Variants in COPS4 observed in about 807,000 individuals in gnomAD.
COPS4 encodes COP9 signalosome subunit 4.
Under a neutral mutation model 55.1 loss-of-function variants are expected in COPS4, and 8 were observed. The observed-to-expected ratio is 0.15, with a 90% confidence interval of 0.09 to 0.26. The LOEUF (loss-of-function observed/expected upper bound fraction) is 0.26. Ranked by LOEUF, COPS4 falls within the 10% of genes least tolerant of loss-of-function variation. The pLI, the probability that COPS4 is intolerant of heterozygous loss-of-function variation, is 1.00. For missense variants in COPS4, 248 were observed against 484.0 expected, an observed-to-expected ratio of 0.51 and a Z score of 4.58; for synonymous variants, 185 against 165.7, an observed-to-expected ratio of 1.12 and a Z score of -0.90.
At chr4:83,042,810 G>GAGT (rs1730601613) in intron 1 of COPS4, among the ~76,000 whole-genome samples, 1 of 151,898 alleles carries the variant, frequency 6.6e-6, no homozygotes, top group South Asian at 2.1e-4. Flanking sequence ...TTACTATGTT[G>GAGT]CTCAGACTGG....
intron 7 of COPS4, among the ~76,000 whole-genome samples, chr4:83,065,752 T>G (rs1731278219): frequency 6.6e-6 from 1 of 152,248 alleles, no homozygotes; most frequent in African/African-American, 2.4e-5. Flanking sequence ...TGCCTTGGTT[T>G]GATGCTCCTG....
intron 1 of COPS4, among the ~76,000 whole-genome samples, chr4:83,040,562 G>T (rs1730536284): frequency 1.3e-5 from 2 of 152,126 alleles, no homozygotes; most frequent in African/African-American, 4.8e-5. Context: ...GCTTCTCAGT[G>T]CTTCCAGCAG....
chr4:83,069,385 T>G (rs1329836017), intron 9 of COPS4, among the ~76,000 whole-genome samples: 2 of 152,228 alleles, frequency 1.3e-5, no homozygotes, highest in Non-Finnish European at 2.9e-5. Context: ...CTTGACCTTA[T>G]TGGAGTTTCT....
chr4:83,047,782 C>T (rs1386936988), intron 2 of COPS4, among the ~76,000 whole-genome samples: 11 of 152,124 alleles, frequency 7.2e-5, no homozygotes, highest in South Asian at 2.1e-4. Flanking sequence ...GGGCGGATCA[C>T]GAGGTCAGGA....
chr4:83,065,069 C>A, intron 7 of COPS4: 1 of 690,266 alleles, frequency 1.4e-6, no homozygotes, highest in South Asian at 1.5e-5. Context: ...GAGACAGGAT[C>A]TCTCCATTTT....
chr4:83,070,438 TTTA>T (rs2126134950), intron 9 of COPS4, among the ~76,000 whole-genome samples: 1 of 152,316 alleles, frequency 6.6e-6, no homozygotes, highest in South Asian at 2.1e-4. Context: ...AAAAACTGAA[TTTA>T]TTATCTTCCC....
chr4:83,068,339 A>C, intron 8 of COPS4, 99 bp from the exon 9 acceptor site: 1 of 753,586 alleles, frequency 1.3e-6, no homozygotes, highest in Non-Finnish European at 2.3e-6. Context: ...TGTAAAGTTT[A>C]GTGATGGTAG....
chr4:83,036,258 A>ACC (rs33940074), intron 1 of COPS4, among the ~76,000 whole-genome samples: 25 of 146,376 alleles, frequency 1.7e-4, no homozygotes, highest in African/African-American at 4.3e-4. Flanking sequence ...ACATAGTGAG[A>ACC]CCCCCCCCCC....
chr4:83,045,131 C>T (rs1279716036), intron 1 of COPS4, among the ~76,000 whole-genome samples: 2 of 152,198 alleles, frequency 1.3e-5, no homozygotes, highest in African/African-American at 4.8e-5. Context: ...GCCTGGTCAA[C>T]ATTATCCTAT....
chr4:83,063,870 C>T (rs1471205907), intron 7 of COPS4, among the ~76,000 whole-genome samples: 3 of 151,790 alleles, frequency 2.0e-5, no homozygotes, highest in South Asian at 2.1e-4. Context: ...CCACCACGCC[C>T]GGCTAATTTT....
intron 1 of COPS4, among the ~76,000 whole-genome samples, chr4:83,043,876 C>G (rs1390870938): frequency 6.6e-6 from 1 of 152,078 alleles, no homozygotes; most frequent in Non-Finnish European, 1.5e-5. Context: ...TTGGAATTTG[C>G]TATCTTTTCT....
intron 5 of COPS4, 24 bp from the exon 6 acceptor site, chr4:83,057,234 A>C: frequency 6.4e-7 from 1 of 1,563,910 alleles, no homozygotes; most frequent in South Asian, 1.2e-5. Context: ...TTGTCCCCTA[A>C]TTGAAATATT....
At chr4:83,072,272 G>T (rs1731454612) in intron 9 of COPS4, among the ~76,000 whole-genome samples, 1 of 151,428 alleles carries the variant, frequency 6.6e-6, no homozygotes, top group Non-Finnish European at 1.5e-5. Context: ...GGCTAATTTT[G>T]TATTTTTAGT....
intron 9 of COPS4, among the ~76,000 whole-genome samples, chr4:83,072,276 T>A (rs562061335): frequency 1.3e-5 from 2 of 152,044 alleles, no homozygotes; most frequent in Admixed American, 1.3e-4. Flanking sequence ...AATTTTGTAT[T>A]TTTAGTAGAG....
At chr4:83,043,518 C>CAAAA (rs34480105) in intron 1 of COPS4, among the ~76,000 whole-genome samples, 1 of 17,664 alleles carries the variant, frequency 5.7e-5, no homozygotes, top group Non-Finnish European at 1.2e-4. Flanking sequence ...GACCCTGTCT[C>CAAAA]AAAAAAAAAA....
intron 4 of COPS4, among the ~76,000 whole-genome samples, chr4:83,050,495 T>G (rs1218986425): frequency 6.6e-6 from 1 of 152,076 alleles, no homozygotes; most frequent in Non-Finnish European, 1.5e-5. Flanking sequence ...TTCACCATGT[T>G]TACTAGGTTT....
chr4:83,064,086 A>G (rs1231467431), intron 7 of COPS4, among the ~76,000 whole-genome samples: 6 of 152,316 alleles, frequency 3.9e-5, no homozygotes, highest in African/African-American at 1.4e-4. Context: ...CTGTAATCCC[A>G]GCACTTTGGG....
At chr4:83,051,240 C>CA (rs1194003881) in intron 4 of COPS4, among the ~76,000 whole-genome samples, 3 of 151,724 alleles carry the variant, frequency 2.0e-5, no homozygotes, top group African/African-American at 4.8e-5. Context: ...CCCATCCCTA[C>CA]AAAAAAATTT....
chr4:83,035,600 G>A (rs956992405), intron 1 of COPS4: 4 of 256,778 alleles, frequency 1.6e-5, no homozygotes, highest in Non-Finnish European at 3.2e-5. Flanking sequence ...CTGCTACCCT[G>A]GCCTTAGTAG....
Sources: allele counts gnomAD v4.1 joint callset (sites outside exome capture counted in the v4.1 genomes callset), GRCh38; gene constraint gnomAD v4.1.1; transcripts MANE v1.5; gene names NCBI Gene and HGNC (gene_info 2026-07-23, HGNC 2026-07-21).